Variants in VPS8 observed in about 807,000 individuals in gnomAD.
VPS8 encodes vacuolar protein sorting-associated protein 8 homolog.
In VPS8, 129 loss-of-function variants were observed where a neutral mutation model predicts 216.4. That is an observed-to-expected ratio of 0.60 (90% CI 0.52 to 0.69). The LOEUF is 0.69. VPS8 is among the 30% of genes least tolerant of loss of function. The probability of loss-of-function intolerance (pLI) is 0.00; values close to 1 mark genes in which losing one functional copy is unlikely to be tolerated. For synonymous variants in VPS8, 571 were observed against 565.4 expected (o/e 1.01, Z -0.14); for missense variants, 1,531 against 1,683.5 (o/e 0.91, Z 1.59).
intron 5 of VPS8, among the ~76,000 whole-genome samples, chr3:184,838,020 A>G (rs1327890041): frequency 6.6e-6 from 1 of 152,242 alleles, no homozygotes; most frequent in East Asian, 1.9e-4. Flanking sequence ...ATTTAAAGCT[A>G]TGTGAGCATA....
Position 184,999,732 on chromosome 3 carries a change from C to G in VPS8, c.3873C>G (p.Asn1291Lys). Reference sequence around the variant, plus strand: ...TGTATCACTCATTCTGCCTACAAAACAAAGAATGCACTGTGGAATTTGAGG... The same window carrying G: ...TGTATCACTCATTCTGCCTACAAAAGAAAGAATGCACTGTGGAATTTGAGG... The part of the protein sequence containing the change: ...GHLYHSFCLQ[N>K]KECTVEFEGQ... The change falls in exon 45 of 48, where the codon AAC becomes AAG. Residue 1291 changes from asparagine to lysine, a missense_variant. Physicochemically the swap from Asn to Lys is moderately conservative, Grantham distance 94 (BLOSUM62 0). This residue lies in a region of VPS8 where 1,318 missense variants were observed against 1,468.4 expected (regional missense o/e 0.90). Coordinates refer to ENST00000625842, the MANE Select transcript of VPS8 (RefSeq NM_001009921.3). The G allele has an allele frequency of 6.2e-7, 1 of 1,612,688 alleles. No individual in the cohort carries two copies.
intron 28 of VPS8, 141 bp from the exon 29 acceptor site, chr3:184,919,986 G>A: frequency 1.8e-6 from 1 of 548,482 alleles, no homozygotes; most frequent in Non-Finnish European, 3.2e-6. Flanking sequence ...TGTCACGCAA[G>A]GTGTATAAGA....
intron 21 of VPS8, chr3:184,885,866 C>G (rs1374649808): frequency 2.4e-6 from 1 of 412,290 alleles, no homozygotes; most frequent in African/African-American, 2.0e-5. Context: ...CAGTGAACAC[C>G]TTAATGCATT....
intron 45 of VPS8, among the ~76,000 whole-genome samples, chr3:185,008,077 C>T (rs1754504030): frequency 6.6e-6 from 1 of 151,866 alleles, no homozygotes; most frequent in Non-Finnish European, 1.5e-5. Context: ...AAACCAAATA[C>T]TAAAAAATGA....
chr3:184,998,933 G>A (rs1753013856), intron 44 of VPS8, among the ~76,000 whole-genome samples: 1 of 151,904 alleles, frequency 6.6e-6, no homozygotes, highest in Admixed American at 6.5e-5. Flanking sequence ...CTAGGCTGGA[G>A]TGCAGTGGAG....
At chr3:185,006,408 C>T (rs577563077) in intron 45 of VPS8, among the ~76,000 whole-genome samples, 132 of 152,186 alleles carry the variant, frequency 8.7e-4, no homozygotes, top group African/African-American at 3.1e-3. Flanking sequence ...GTTTGTAAGA[C>T]CATCATCACC....
At position 184,839,727 on chromosome 3, in the gene VPS8, A is replaced by C; in HGVS notation, c.510A>C (p.Thr170=). 2 of 1,606,406 alleles carry C rather than the reference A, an allele frequency of 1.2e-6. No homozygotes were observed. The highest frequency in any genetic ancestry group is 1.7e-6 in the Non-Finnish European group (2 of 1,175,898). The part of the protein sequence containing the change: ...IAVSSLIAVG[T]SHGLALIFGK... ...TATCCAGTCTGATAGCAGTGGGTAC[A>C]TCTCATGGATTGGCTTTAATATTTG... The change falls in exon 7 of 48, where the codon ACA becomes ACC. Residue 170 remains threonine (T), a synonymous_variant. Coordinates refer to ENST00000625842, the MANE Select transcript of VPS8 (RefSeq NM_001009921.3).
At chr3:184,831,167 G>A (rs1322535742) in intron 3 of VPS8, among the ~76,000 whole-genome samples, 1 of 152,138 alleles carries the variant, frequency 6.6e-6, no homozygotes, top group Non-Finnish European at 1.5e-5. Context: ...AGAAAGCTTC[G>A]AGATGTAGTG....
At chr3:184,885,412 G>T (rs1484399959) in intron 21 of VPS8, among the ~76,000 whole-genome samples, 1 of 152,154 alleles carries the variant, frequency 6.6e-6, no homozygotes, top group Non-Finnish European at 1.5e-5. Context: ...CCATTGAAAA[G>T]GGTCAAAATT....
intron 32 of VPS8, 24 bp from the exon 33 acceptor site, chr3:184,929,556 G>C: frequency 7.2e-7 from 1 of 1,381,562 alleles, no homozygotes; most frequent in Non-Finnish European, 1.0e-6. Context: ...TTGGTACACT[G>C]AAGTTTTTCC....
At chr3:184,814,708 G>T (rs910426687) in intron 1 of VPS8, among the ~76,000 whole-genome samples, 2 of 152,206 alleles carry the variant, frequency 1.3e-5, no homozygotes, top group African/African-American at 4.8e-5. Context: ...GAGGCAGTGA[G>T]TAGTGAGTGA....
intron 36 of VPS8, among the ~76,000 whole-genome samples, chr3:184,944,246 A>G (rs953266971): frequency 6.6e-6 from 1 of 152,218 alleles, no homozygotes; most frequent in Admixed American, 6.5e-5. Context: ...TTGACCTGCA[A>G]AGATATTGGT....
intron 45 of VPS8, among the ~76,000 whole-genome samples, chr3:185,023,404 T>A (rs1479607672): frequency 4.6e-5 from 7 of 152,144 alleles, no homozygotes; most frequent in African/African-American, 1.7e-4. Context: ...TGCTCTAAAA[T>A]CTAGTGCTAT....
intron 28 of VPS8, among the ~76,000 whole-genome samples, chr3:184,919,299 C>T (rs545572695): frequency 1.3e-5 from 2 of 152,266 alleles, no homozygotes; most frequent in Non-Finnish European, 2.9e-5. Context: ...ATTAGTGCTA[C>T]GTGGATTTAA....
intron 36 of VPS8, among the ~76,000 whole-genome samples, chr3:184,949,133 CTA>C (rs1744208564): frequency 6.6e-6 from 1 of 151,962 alleles, no homozygotes; most frequent in Non-Finnish European, 1.5e-5. Flanking sequence ...CAGTGAAACT[CTA>C]TCTCTATAAA....
chr3:184,926,595 T>C lies in VPS8; in HGVS notation c.2576T>C (p.Val859Ala). ...LFVNRTLFDQ[V>A]LEFLCSPDDD... ...AAAAAATACTTTTTCTTCGGCCAGG[T>C]CCTTGAATTCCTTTGTAGTCCTGAC... The change falls in exon 31 of 48, where the codon GTC becomes GCC. Residue 859 changes from valine (V) to alanine (A), a missense_variant and splice_region_variant. Physicochemically the swap from Val to Ala is moderately conservative, Grantham distance 64. This residue lies in a region of VPS8 where 1,318 missense variants were observed against 1,468.4 expected (regional missense o/e 0.90). Coordinates refer to ENST00000625842, the MANE Select transcript of VPS8 (RefSeq NM_001009921.3). 6.3e-7 allele frequency: 1 copy of C among 1,599,014 alleles called. No homozygotes were observed. The highest frequency in any genetic ancestry group is 1.3e-5 in the African/African-American group (1 of 74,702).
At chr3:184,878,582 A>C (rs980539117) in intron 21 of VPS8, among the ~76,000 whole-genome samples, 1 of 152,190 alleles carries the variant, frequency 6.6e-6, no homozygotes, top group Non-Finnish European at 1.5e-5. Flanking sequence ...AGCCAAACAC[A>C]GAGCGAGGCA....
At chr3:184,893,127 A>G (rs995068698) in intron 22 of VPS8, 2 of 403,528 alleles carry the variant, frequency 5.0e-6, no homozygotes, top group Non-Finnish European at 6.8e-6. Flanking sequence ...GAAAAAAATA[A>G]ATGGCTGTGG....
chr3:184,966,806 C>A (rs1214877185), intron 39 of VPS8, 93 bp downstream of exon 39: 2 of 899,576 alleles, frequency 2.2e-6, no homozygotes, highest in African/African-American at 1.7e-5. Context: ...GTAATAATTA[C>A]ACTTGCATAT....
Sources: gnomAD v4.1 joint callset for allele counts (sites outside exome capture counted in the v4.1 genomes callset) on GRCh38, gnomAD v4.1.1 for gene constraint, gnomAD v4.1.1 regional missense constraint, MANE v1.5 for transcripts, NCBI Gene and HGNC (gene_info 2026-07-23, HGNC 2026-07-21) for gene names.